Variants in NDST4 observed in about 807,000 individuals in gnomAD.
The protein encoded by NDST4 is N-deacetylase and N-sulfotransferase 4.
A neutral mutation model predicts 100.8 loss-of-function variants in NDST4; 63 were observed. The ratio of observed to expected loss-of-function variants is 0.62; its 90% CI spans 0.51 to 0.77. NDST4 has a LOEUF of 0.77. Ranked by LOEUF, NDST4 falls within the 30% of genes least tolerant of loss-of-function variation. NDST4 has a pLI of 0.00. For missense variants in NDST4, 943 were observed against 1,018.4 expected, an observed-to-expected ratio of 0.93 and a Z score of 1.01; for synonymous variants, 377 against 361.8, an observed-to-expected ratio of 1.04 and a Z score of -0.48.
chr4:114,854,308 C>T (rs749743878), intron 7 of NDST4, among the ~76,000 whole-genome samples: 1 of 152,196 alleles, frequency 6.6e-6, no homozygotes, highest in Non-Finnish European at 1.5e-5. Flanking sequence ...GACAAAATCT[C>T]ATTCTTTTTC....
chr4:115,084,799 A>G (rs508357), intron 1 of NDST4, among the ~76,000 whole-genome samples: 34,876 of 152,024 alleles, frequency 0.23, 5,382 homozygotes, highest in East Asian at 0.46. Flanking sequence ...TGTCCAGGCA[A>G]AAGTTTGATG....
At chr4:114,977,353 G>T in intron 2 of NDST4, 79 bp from the exon 3 acceptor site, 1 of 875,612 alleles carries the variant, frequency 1.1e-6, no homozygotes. Flanking sequence ...AAATGTGTAT[G>T]CATGAGTAAA....
chr4:114,965,310 T>A (rs944936039), intron 4 of NDST4, among the ~76,000 whole-genome samples: 32 of 152,098 alleles, frequency 2.1e-4, no homozygotes, highest in African/African-American at 7.7e-4. Flanking sequence ...ATCATATTAC[T>A]TTATTTCTTT....
intron 13 of NDST4, among the ~76,000 whole-genome samples, chr4:114,828,550 G>A (rs937685594): frequency 7.2e-5 from 11 of 151,848 alleles, no homozygotes; most frequent in South Asian, 2.1e-4. Flanking sequence ...GAGATGGGCC[G>A]TTATTAGAGA....
chr4:114,836,119 T>C (rs912280489), intron 11 of NDST4, among the ~76,000 whole-genome samples: 2 of 152,224 alleles, frequency 1.3e-5, no homozygotes, highest in African/African-American at 4.8e-5. Flanking sequence ...ACATTTAAGG[T>C]TAATATTGTT....
rs570767087 is a variant in NDST4, at chr4:115,086,562, C to A, written c.-246-9280G>T. Among the ~76,000 whole-genome samples, 16 of 151,980 alleles carry A rather than the reference C, an allele frequency of 1.1e-4. 1 individual carries two copies. Among genetic ancestry groups the A allele is most frequent in the Admixed American group, 1.0e-3 (16 of 15,242 alleles). ...TTCAAACATAATGATAACATTACTACCATAATATTATATTGTAACATAATA... is the reference window on the plus strand; with the variant it reads ...TTCAAACATAATGATAACATTACTAACATAATATTATATTGTAACATAATA... On this transcript the variant is annotated intron_variant, in intron 1 of 13. Transcript: ENST00000264363.
chr4:115,058,408 A>G (rs1728747596), intron 2 of NDST4, among the ~76,000 whole-genome samples: 1 of 152,150 alleles, frequency 6.6e-6, no homozygotes, highest in Non-Finnish European at 1.5e-5. Flanking sequence ...TATTACTACA[A>G]CAAGGGCTTT....
intron 2 of NDST4, among the ~76,000 whole-genome samples, chr4:114,999,861 T>TA (rs1166485505): frequency 7.9e-5 from 12 of 152,122 alleles, no homozygotes; most frequent in African/African-American, 2.9e-4. Context: ...AGTAAACTTG[T>TA]AATTGATATG....
At position 115,009,145 on chromosome 4, in the gene NDST4, A is replaced by G. The variant is rs1437900028; in HGVS notation, c.979-31871T>C. 2.4e-5 allele frequency among the ~76,000 whole-genome samples: 3 copies of G among 127,286 alleles called. 1 individual carries two copies. Among genetic ancestry groups the G allele is most frequent in the African/African-American group, 9.0e-5 (3 of 33,434 alleles). The allele number at this position is 127,286 out of a possible 152,430, so 83.5% of individuals were successfully genotyped here. A position where few individuals can be genotyped will look rare whatever the true frequency, so the allele number is the denominator to read the frequency against. On this transcript the variant is annotated intron_variant, in intron 2 of 13. Coordinates refer to ENST00000264363, the MANE Select transcript of NDST4 (RefSeq NM_022569.3). ...TATAGATTCAATGCCATCCCCATCAAGCTACCAATGACTTTCTTCACAGAA... is the reference window on the plus strand; with the variant it reads ...TATAGATTCAATGCCATCCCCATCAGGCTACCAATGACTTTCTTCACAGAA...
intron 4 of NDST4, among the ~76,000 whole-genome samples, chr4:114,949,912 A>G (rs1725951689): frequency 1.3e-5 from 2 of 152,094 alleles, no homozygotes; most frequent in South Asian, 4.1e-4. Flanking sequence ...CTGAAACGAG[A>G]AAGTAAAAAT....
intron 6 of NDST4, among the ~76,000 whole-genome samples, chr4:114,893,642 C>G (rs759907247): frequency 6.6e-6 from 1 of 151,788 alleles, no homozygotes; most frequent in East Asian, 1.9e-4. Flanking sequence ...GGATATTAGA[C>G]CTCTGTCATA....
At chr4:114,943,068 T>C (rs1417230496) in intron 4 of NDST4, among the ~76,000 whole-genome samples, 1 of 147,152 alleles carries the variant, frequency 6.8e-6, no homozygotes, top group Non-Finnish European at 1.5e-5. Context: ...TATTAATTTA[T>C]ATATTATATA....
At chr4:115,005,394 C>T (rs936502417) in intron 2 of NDST4, among the ~76,000 whole-genome samples, 1 of 151,912 alleles carries the variant, frequency 6.6e-6, no homozygotes, top group Admixed American at 6.6e-5. Flanking sequence ...TGGGATCTTA[C>T]CAGAGTTTTA....
intron 3 of NDST4, among the ~76,000 whole-genome samples, chr4:114,971,988 C>T (rs76993286): frequency 2.0e-5 from 3 of 151,182 alleles, no homozygotes; most frequent in Non-Finnish European, 4.4e-5. Context: ...TATTAAAGCA[C>T]TTAATATTGC....
chr4:114,906,586 T>C (rs1319401466), intron 6 of NDST4, among the ~76,000 whole-genome samples: 1 of 151,968 alleles, frequency 6.6e-6, no homozygotes, highest in Non-Finnish European at 1.5e-5. Context: ...TTCTCAAATT[T>C]CCCTATATTT....
At chr4:114,977,398 T>C in intron 2 of NDST4, 124 bp from the exon 3 acceptor site, 1 of 591,404 alleles carries the variant, frequency 1.7e-6, no homozygotes, top group Non-Finnish European at 3.0e-6. Context: ...TTTTGATGGG[T>C]ACTGTTATGT....
intron 2 of NDST4, among the ~76,000 whole-genome samples, chr4:115,061,692 T>A (rs1298561133): frequency 2.8e-4 from 42 of 151,944 alleles, no homozygotes; most frequent in Admixed American, 2.8e-3. Flanking sequence ...AAAACCTAGA[T>A]GACAGGTTGA....
At chr4:114,880,095 G>C (rs752168794) in intron 6 of NDST4, among the ~76,000 whole-genome samples, 1 of 152,186 alleles carries the variant, frequency 6.6e-6, no homozygotes, top group Non-Finnish European at 1.5e-5. Context: ...TAGGGCAGCT[G>C]TTCTAACTGA....
In NDST4 at chr4:114,873,769, C is replaced by T. The variant is rs557903482; in HGVS notation, c.1537-2819G>A. Among the ~76,000 whole-genome samples the T allele has an allele frequency of 9.2e-5, 14 of 152,106 alleles. No individual in the cohort carries two copies. In the South Asian group the frequency reaches 2.5e-3, roughly 27 times the overall value. ...TCACTACTGTAATTAAGAAATAAGA[C>T]GGTGTAAGTAGCATGCTTCAGGATA... On this transcript the variant is annotated intron_variant, in intron 6 of 13. Coordinates refer to ENST00000264363, the MANE Select transcript of NDST4 (RefSeq NM_022569.3).
Sources: allele counts gnomAD v4.1 joint callset (sites outside exome capture counted in the v4.1 genomes callset), GRCh38; gene constraint gnomAD v4.1.1; transcripts MANE v1.5; gene names NCBI Gene and HGNC (gene_info 2026-07-23, HGNC 2026-07-21).